The following TACC3 variants were observed in gnomAD, a reference collection of about 807,000 sequenced individuals.
The protein encoded by TACC3 is transforming acidic coiled-coil-containing protein 3.
Under a neutral mutation model 86.0 loss-of-function variants are expected in TACC3, and 52 were observed. The observed-to-expected ratio is 0.60, with a 90% CI of 0.48 to 0.76. The LOEUF is 0.76. Ranked by LOEUF, TACC3 falls within the 30% of genes least tolerant of loss-of-function variation. The pLI, the probability that TACC3 is intolerant of heterozygous loss-of-function variation, is 0.00. For missense variants in TACC3, 1,120 were observed against 1,070.4 expected, an observed-to-expected ratio of 1.05 and a Z score of -0.65; for synonymous variants, 512 against 430.0, an observed-to-expected ratio of 1.19 and a Z score of -2.36.
rs1718242011 is a variant in TACC3, at chr4:1,735,943, T to A, written c.1748+109T>A. On this transcript the variant is annotated intron_variant, in intron 8 of 15. Coordinates refer to ENST00000313288, the MANE Select transcript of TACC3 (RefSeq NM_006342.3). The surrounding 1 kb of genome is among the most constrained non-coding windows in gnomAD (Gnocchi z 4.2). ...AGGCTTCTAGACCGGGGGGAGATGA[T>A]CAGAACTGGAAAGGAGCTGTGCTAG... 1 of 799,148 alleles carries A rather than the reference T, an allele frequency of 1.3e-6. No individual in the cohort carries two copies. Among genetic ancestry groups the A allele is most frequent in the African/African-American group, 1.7e-5 (1 of 58,254 alleles). The allele number at this position is 799,148 out of a possible 1,614,324, so 49.5% of individuals were successfully genotyped here. A position where few individuals can be genotyped will look rare whatever the true frequency, so the allele number is the denominator to read the frequency against.
rs3216202 is a variant in TACC3, at chr4:1,727,130, CA to C, written c.306-566del. On this transcript the variant is annotated intron_variant, in intron 3 of 15. Transcript: ENST00000313288. ...TTGGCAACAGAGCAAAAATCCGTCTCAAAAAAAAAAAACATAAAAATAAAGG... is the reference window on the plus strand; with the variant it reads ...TTGGCAACAGAGCAAAAATCCGTCTCAAAAAAAAAAACATAAAAATAAAGG... Among the ~76,000 whole-genome samples the C allele has an allele frequency of 5.9e-3, 807 of 136,838 alleles. 4 individuals are homozygous for C. Among genetic ancestry groups the C allele is most frequent in the African/African-American group, 0.02 (745 of 37,652 alleles). 89.8% of individuals were successfully genotyped at this position (136,838 alleles called of 152,430 possible).
At chr4:1,732,572 G>C (rs1419098051) in intron 6 of TACC3, among the ~76,000 whole-genome samples, 1 of 152,218 alleles carries the variant, frequency 6.6e-6, no homozygotes, top group Non-Finnish European at 1.5e-5. Flanking sequence ...TCAATTTAGA[G>C]AACTGAAAAC....
Position 1,739,714 on chromosome 4 carries a change from C to A in TACC3, c.1954C>A (p.Gln652Lys). 1 of 1,583,102 alleles carries A rather than the reference C, an allele frequency of 6.3e-7. No individual in the cohort carries two copies. Among genetic ancestry groups the A allele is most frequent in the South Asian group, 1.2e-5 (1 of 86,664 alleles). Residue 652 changes from glutamine to lysine, a missense_variant, in exon 11 of 16, where the codon CAG becomes AAG. Transcript: ENST00000313288. ...KDLDAVVKAT[Q>K]EENRELRSRC... ...GTGGCCTGAGCAGGTAAAGGCGACA[C>A]AGGAGGAGAACCGGGAGCTGAGGAG...
At chr4:1,731,036 C>G in intron 5 of TACC3, 74 bp downstream of exon 5, 1 of 1,602,340 alleles carries the variant, frequency 6.2e-7, no homozygotes, top group Non-Finnish European at 8.5e-7. Flanking sequence ...TGGAAGCCCC[C>G]AGCAGCCTTG....
chr4:1,738,749 C>T (rs887386960), intron 10 of TACC3, among the ~76,000 whole-genome samples: 16 of 152,154 alleles, frequency 1.1e-4, no homozygotes, highest in African/African-American at 3.4e-4. Context: ...TAAGGTTGGA[C>T]CACACAGTCT....
At chr4:1,740,610 C>T in intron 12 of TACC3, 1 of 505,304 alleles carries the variant, frequency 2.0e-6, no homozygotes, top group South Asian at 2.5e-5. Flanking sequence ...GCTCCAGTTC[C>T]CTGCGGATCT....
At position 1,731,403 on chromosome 4, in the gene TACC3, C is replaced by T. The variant is rs190294545; in HGVS notation, c.1591+102C>T. 9.4e-4 allele frequency: 1,332 copies of T among 1,412,790 alleles called. 9 individuals are homozygous for T. In the African/African-American group the frequency reaches 0.016, roughly 17 times the overall value. The allele number at this position is 1,412,790 out of a possible 1,614,324, so 87.5% of individuals were successfully genotyped here. On this transcript the variant is annotated intron_variant, in intron 6 of 15. Transcript: ENST00000313288. ...CTGCATCATCGGCAGGTGGTCATTT[C>T]GCAGGCAGTTGGGTCCCTTGACTTT...
Position 1,737,263 on chromosome 4 carries a change from C to T in TACC3, c.1771C>T (p.Pro591Ser). The change falls in exon 9 of 16, where the codon CCC (proline) becomes TCC (serine). Residue 591 changes from proline to serine, a missense_variant. Physicochemically the swap from Pro to Ser is moderately conservative, Grantham distance 74. Coordinates refer to ENST00000313288, the MANE Select transcript of TACC3 (RefSeq NM_006342.3). ...TSSMHGANETPSGRPREAKLV... is the reference protein window; with the variant it reads ...TSSMHGANETSSGRPREAKLV... The stretch of plus-strand genomic sequence containing the variant: ...CAGCATGCACGGTGCAAATGAGACT[C>T]CCTCAGGACGTCCGCGGGAAGCCAA... 1 of 1,614,120 alleles carries T rather than the reference C, an allele frequency of 6.2e-7. No individual in the cohort carries two copies. Among genetic ancestry groups the T allele is most frequent in the South Asian group, 1.1e-5 (1 of 91,080 alleles).
Position 1,745,151 on chromosome 4 carries a change from A to AATT in TACC3, c.*139_*140insTTA, listed in dbSNP as rs1474745291. ...ATTGCTTTGAAAACATGACTCAATA[A>AATT]AAGTTTCCTTTCAATTTAAACACTG... is the stretch of plus-strand genomic sequence containing the variant. On this transcript the variant is annotated 3_prime_UTR_variant, in exon 16 of 16. Transcript: ENST00000313288. 1 of 951,462 alleles carries AATT rather than the reference A, an allele frequency of 1.1e-6. No individual in the cohort carries two copies. The highest frequency in any genetic ancestry group is 1.5e-6 in the Non-Finnish European group (1 of 646,498). 58.9% of individuals were successfully genotyped at this position (951,462 alleles called of 1,614,324 possible).
Position 1,728,698 on chromosome 4 carries a change from A to G in TACC3, c.1296A>G (p.Pro432=), listed in dbSNP as rs1230375741. The G allele has an allele frequency of 1.2e-6, 2 of 1,613,662 alleles. No individual in the cohort carries two copies. Among genetic ancestry groups the G allele is most frequent in the South Asian group, 2.2e-5 (2 of 91,088 alleles). Reference sequence around the variant, plus strand: ...CTGGTTGCAGTGAGGCCCAGCCCCCAGAAAGCCCTGAGACCAGGCTGGGCC... The same window carrying G: ...CTGGTTGCAGTGAGGCCCAGCCCCCGGAAAGCCCTGAGACCAGGCTGGGCC... ...TKSGCSEAQP[P]ESPETRLGQP... Residue 432 remains proline (P), a synonymous_variant, in exon 4 of 16, where the codon CCA becomes CCG. Coordinates refer to ENST00000313288, the MANE Select transcript of TACC3 (RefSeq NM_006342.3).
chr4:1,724,702 A>G (rs555574291), intron 3 of TACC3, among the ~76,000 whole-genome samples: 22 of 152,086 alleles, frequency 1.4e-4, no homozygotes, highest in African/African-American at 4.3e-4. Context: ...CCTCATCTGC[A>G]TCCAGGGTGG....
intron 3 of TACC3, among the ~76,000 whole-genome samples, chr4:1,726,710 A>T (rs1407208627): frequency 6.6e-6 from 1 of 152,204 alleles, no homozygotes; most frequent in Non-Finnish European, 1.5e-5. Context: ...CACACAGAGG[A>T]CTGGGGCCAG....
intron 8 of TACC3, among the ~76,000 whole-genome samples, chr4:1,736,658 C>T (rs1018093549): frequency 6.6e-6 from 1 of 152,098 alleles, no homozygotes; most frequent in Admixed American, 6.6e-5. Flanking sequence ...CCTGGAATCC[C>T]AGCCCTTTGG....
rs551856054 is a variant in TACC3, at chr4:1,723,638, C to G, written c.162+55C>G. On this transcript the variant is annotated intron_variant, in intron 2 of 15. Transcript: ENST00000313288. ...GCCAGGTTGCCCTAGGGCCTGCTTTCTTGGTGACCTCTGAGCTGCAGGACA... is the reference window on the plus strand; with the variant it reads ...GCCAGGTTGCCCTAGGGCCTGCTTTGTTGGTGACCTCTGAGCTGCAGGACA... 86 of 1,609,066 alleles carry G rather than the reference C, an allele frequency of 5.3e-5. No homozygotes were observed. In the African/African-American group the frequency reaches 9.2e-4, roughly 17 times the overall value.
chr4:1,739,792 G>A lies in TACC3; in HGVS notation c.2018+14G>A, dbSNP rs373356904. 1.1e-4 allele frequency: 166 copies of A among 1,580,494 alleles called. 1 individual carries two copies. Among genetic ancestry groups the A allele is most frequent in the Non-Finnish European group, 1.1e-4 (132 of 1,164,286 alleles). On this transcript the variant is annotated intron_variant, in intron 11 of 15. Coordinates refer to ENST00000313288, the MANE Select transcript of TACC3 (RefSeq NM_006342.3). ...CCTGGAACTGGGGTAAGGAGGCCCC[G>A]TCTCCTGTCCTCCCCGTCCCCATCC...
chr4:1,740,697 C>T (rs1462248134), intron 12 of TACC3, 129 bp from the exon 13 acceptor site: 8 of 774,220 alleles, frequency 1.0e-5, no homozygotes, highest in Admixed American at 4.8e-5. Flanking sequence ...CATCACCCTC[C>T]GAGGCTCACA....
In TACC3 at chr4:1,739,984, G is replaced by A; in HGVS notation, c.2044G>A (p.Val682Ile). The A allele has an allele frequency of 6.2e-6, 10 of 1,613,106 alleles. No homozygotes were observed. Among genetic ancestry groups the A allele is most frequent in the Non-Finnish European group, 8.5e-6 (10 of 1,180,010 alleles). ...GAAGATCATGGACAGGTTCGAAGAGGTTGTGTACCAGGCCATGGGTGAGTG... is the reference window on the plus strand; with the variant it reads ...GAAGATCATGGACAGGTTCGAAGAGATTGTGTACCAGGCCATGGGTGAGTG... Reference protein sequence around the residue: ...LGKIMDRFEEVVYQAMEEVQK... With the variant: ...LGKIMDRFEEIVYQAMEEVQK... Residue 682 changes from valine (V) to isoleucine (I), a missense_variant, in exon 12 of 16, where the codon GTT (valine) becomes ATT (isoleucine). By Grantham distance (29) the Val-to-Ile change is conservative. Transcript: ENST00000313288.
chr4:1,723,945 T>A, intron 3 of TACC3, 75 bp downstream of exon 3: 1 of 1,529,824 alleles, frequency 6.5e-7, no homozygotes, highest in Non-Finnish European at 8.9e-7. Context: ...AAGTGCTGTC[T>A]TGTTCTATCA....
intron 11 of TACC3, 73 bp from the exon 12 acceptor site, chr4:1,739,886 G>T (rs958418364): frequency 4.2e-6 from 6 of 1,441,532 alleles, no homozygotes; most frequent in Non-Finnish European, 5.5e-6. Flanking sequence ...CCCTGTCCCC[G>T]TCCCCATCCC....
Sources: gnomAD v4.1 joint callset for allele counts (sites outside exome capture counted in the v4.1 genomes callset) on GRCh38, gnomAD v4.1.1 for gene constraint, Gnocchi (gnomAD v3.1) non-coding constraint, MANE v1.5 for transcripts, NCBI Gene and HGNC (gene_info 2026-07-23, HGNC 2026-07-21) for gene names.